ATXN3: variants seen among roughly 807,000 people sequenced by gnomAD.
ATXN3 encodes the protein ataxin 3, also known as ataxin-3.
A neutral mutation model predicts 58.2 loss-of-function variants in ATXN3; 28 were observed. The observed-to-expected ratio is 0.48, with a 90% CI of 0.36 to 0.66. The LOEUF is 0.66. Among genes scored for constraint, ATXN3 ranks in the 30% least tolerant of loss-of-function variants. The pLI is 0.00. For synonymous variants in ATXN3, 113 were observed against 138.5 expected (o/e 0.82, Z 1.29); for missense variants, 321 against 422.1 (o/e 0.76, Z 2.10).
At chr14:92,104,533 T>C (rs1158894373) in intron 1 of ATXN3, among the ~76,000 whole-genome samples, 2 of 152,226 alleles carry the variant, frequency 1.3e-5, no homozygotes, top group African/African-American at 2.4e-5. Flanking sequence ...GGTAACAATA[T>C]TGTTAAAAAT....
At chr14:92,052,265 C>T (rs541524778), upstream of ATXN3, among the ~76,000 whole-genome samples, 2 of 151,984 alleles carry the variant, frequency 1.3e-5, no homozygotes, top group African/African-American at 4.8e-5. Context: ...GAGGCTGAGG[C>T]GGGCGGATCA....
chr14:92,052,324 G>A (rs574837289), upstream of ATXN3, among the ~76,000 whole-genome samples: 5 of 151,892 alleles, frequency 3.3e-5, no homozygotes, highest in Admixed American at 2.0e-4. Flanking sequence ...GAGAAACCCC[G>A]TCTCTACTAA....
At chr14:92,102,482 T>A (rs1405264879) in intron 1 of ATXN3, among the ~76,000 whole-genome samples, 1 of 152,060 alleles carries the variant, frequency 6.6e-6, no homozygotes, top group East Asian at 1.9e-4. Context: ...TGAAACTAGT[T>A]CAAATTACCA....
At chr14:92,094,080 T>C (rs1312545397) in intron 3 of ATXN3, among the ~76,000 whole-genome samples, 1 of 151,612 alleles carries the variant, frequency 6.6e-6, no homozygotes. Flanking sequence ...GTAGCTGGGA[T>C]TACAAGCACA....
At chr14:92,055,756 T>A (rs965841416), downstream of ATXN3, among the ~76,000 whole-genome samples, 9 of 152,188 alleles carry the variant, frequency 5.9e-5, no homozygotes, top group Non-Finnish European at 1.2e-4. This position sits in a 1 kb window ranked among gnomAD's most constrained non-coding sequence, Gnocchi z 4.5. Context: ...AGCTCAGAAG[T>A]TCTAGACCAG....
At chr14:92,069,659 A>T (rs1470018268) in intron 10 of ATXN3, among the ~76,000 whole-genome samples, 1 of 152,224 alleles carries the variant, frequency 6.6e-6, no homozygotes, top group Non-Finnish European at 1.5e-5. Flanking sequence ...GGCATGGGCC[A>T]CCATGCCTGG....
Position 92,061,390 on chromosome 14 carries a change from T to TA in ATXN3, c.*2929dup, listed in dbSNP as rs1414493429. 1 of 152,168 alleles carries TA rather than the reference T, an allele frequency of 6.6e-6. No individual in the cohort carries two copies. The highest frequency in any genetic ancestry group is 2.4e-5 in the African/African-American group (1 of 41,450). 9.4% of individuals were successfully genotyped at this position (152,168 alleles called of 1,614,324 possible). ...ATTTACATGATTACCGTAAAAAACA[T>TA]AGATTGATGGTTTTAGATCAGAGAT... is the stretch of plus-strand genomic sequence containing the variant. On this transcript the variant is annotated 3_prime_UTR_variant, in exon 11 of 11. Coordinates refer to ENST00000644486, the MANE Select transcript of ATXN3 (RefSeq NM_004993.6).
intron 2 of ATXN3, among the ~76,000 whole-genome samples, chr14:92,046,528 A>G (rs1203628446): frequency 6.6e-6 from 1 of 152,220 alleles, no homozygotes; most frequent in Non-Finnish European, 1.5e-5. Flanking sequence ...TTCCAACTGC[A>G]CAGCCCTGCA....
intron 1 of ATXN3, among the ~76,000 whole-genome samples, chr14:92,103,980 A>G (rs1209274699): frequency 6.6e-6 from 1 of 152,208 alleles, no homozygotes; most frequent in Non-Finnish European, 1.5e-5. Context: ...GAGATTAACA[A>G]TTGGGCCATA....
intron 5 of ATXN3, chr14:92,090,264 G>A (rs1473083891): frequency 6.6e-6 from 1 of 152,032 alleles, no homozygotes; most frequent in East Asian, 1.9e-4. Flanking sequence ...CAAGATGCTT[G>A]ACAAATTTTC....
chr14:92,071,441 C>T (rs10467858), intron 9 of ATXN3: 97,456 of 351,002 alleles, frequency 0.28, 14,521 homozygotes, highest in East Asian at 0.44. Context: ...ACTAAAAATA[C>T]AAAAATTAGC....
At chr14:92,052,039 C>A (rs761145520), upstream of ATXN3, among the ~76,000 whole-genome samples, 1 of 151,244 alleles carries the variant, frequency 6.6e-6, no homozygotes, top group Non-Finnish European at 1.5e-5. Context: ...AGAGTTTTAA[C>A]CACACCTCCT....
chr14:92,079,185 C>CAAAAAAAAAAAAAAAAAA (rs35515547), intron 9 of ATXN3, among the ~76,000 whole-genome samples: 1 of 77,058 alleles, frequency 1.3e-5, no homozygotes, highest in Non-Finnish European at 2.6e-5. Flanking sequence ...GACTCCATCT[C>CAAAAAAAAAAAAAAAAAA]AAAAAAAAAA....
At chr14:92,070,138 A>C (rs1333261899) in intron 10 of ATXN3, among the ~76,000 whole-genome samples, 2 of 151,988 alleles carry the variant, frequency 1.3e-5, no homozygotes, top group Non-Finnish European at 2.9e-5. Flanking sequence ...TTTTTCTCTC[A>C]ACTTCTACTA....
intron 9 of ATXN3, chr14:92,071,596 CA>C (rs1281289676): frequency 3.4e-5 from 9 of 261,492 alleles, no homozygotes; most frequent in East Asian, 1.0e-4. Context: ...GACTCTGTCT[CA>C]AAAAAACAAC....
At chr14:92,068,933 T>C (rs777496733) in intron 10 of ATXN3, among the ~76,000 whole-genome samples, 1 of 152,180 alleles carries the variant, frequency 6.6e-6, no homozygotes, top group Non-Finnish European at 1.5e-5. Context: ...TGGCTGTACT[T>C]AAACAGGAGG....
In ATXN3 at chr14:92,081,743, A is replaced by C. The variant is rs1026654955; in HGVS notation, c.775+557T>G. 5.3e-4 allele frequency among the ~76,000 whole-genome samples: 80 copies of C among 152,288 alleles called. 1 individual carries two copies. The highest frequency in any genetic ancestry group is 1.7e-3 in the African/African-American group (71 of 41,572). On this transcript the variant is annotated intron_variant, in intron 8 of 10. Coordinates refer to ENST00000644486, the MANE Select transcript of ATXN3 (RefSeq NM_004993.6). ...TACATATGAGTTAGAAAAAAATAAA[A>C]CAAAAAACCCACTTCAAACTTTTAA...
In ATXN3 at chr14:92,058,786, T is replaced by C. The variant is rs142874189; in HGVS notation, c.*5534A>G. 7 of 152,306 alleles carry C rather than the reference T, an allele frequency of 4.6e-5. No homozygotes were observed. Among genetic ancestry groups the C allele is most frequent in the African/African-American group, 1.7e-4 (7 of 41,578 alleles). 9.4% of individuals were successfully genotyped at this position (152,306 alleles called of 1,614,324 possible). ...AGCAAGCGGCACTGCCACAGTGCAC[T>C]TGTATCATGGCCAAACAACAATGCT... On this transcript the variant is annotated 3_prime_UTR_variant, in exon 11 of 11. Transcript: ENST00000644486.
Position 92,102,844 on chromosome 14 carries a change from T to C in ATXN3, c.24+3685A>G, listed in dbSNP as rs183209452. On this transcript the variant is annotated intron_variant, in intron 1 of 10. Transcript: ENST00000644486. ...TGAGACTCAAACCCAGGCAGAGGTT[T>C]CAAAACCTGTGCTATTAGCACTTCA... 5.8e-3 allele frequency among the ~76,000 whole-genome samples: 887 copies of C among 152,286 alleles called. 7 individuals carry two copies. The highest frequency in any genetic ancestry group is 0.02 in the African/African-American group (828 of 41,562).
Sources: allele counts gnomAD v4.1 joint callset (sites outside exome capture counted in the v4.1 genomes callset), GRCh38; gene constraint gnomAD v4.1.1; non-coding constraint Gnocchi (gnomAD v3.1); transcripts MANE v1.5; gene names NCBI Gene and HGNC (gene_info 2026-07-23, HGNC 2026-07-21).